Variants in TTN observed in about 807,000 individuals in gnomAD.
TTN encodes the protein connectin.
Under a neutral mutation model 3,223.0 loss-of-function variants are expected in TTN, and 1,525 were observed. The observed-to-expected ratio is 0.47, with a 90% confidence interval of 0.45 to 0.49. TTN has a LOEUF of 0.49. TTN is among the 20% of genes least tolerant of loss of function. The pLI is 0.00. For synonymous variants in TTN, 14,094 were observed against 15,161.0 expected (o/e 0.93, Z 5.17); for missense variants, 40,786 against 43,424.0 (o/e 0.94, Z 5.40).
rs748559391 is a variant in TTN, at chr2:178,730,313, T to A, written c.18087A>T (p.Val6029=). 5.0e-6 allele frequency: 8 copies of A among 1,611,606 alleles called. No homozygotes were observed. The highest frequency in any genetic ancestry group is 8.5e-7 in the Non-Finnish European group (1 of 1,178,742). The part of the protein sequence containing the change: ...QSQDVNPNTR[V]QLKALVGGTA... ...TGCCACCCACAAGAGCCTTTAACTG[T>A]ACCCTTGTGTTGGGATTGACATCTT... The change falls in exon 62 of 363, where the codon GTA becomes GTT. Residue 6029 remains valine, a synonymous_variant. Transcript: ENST00000589042.
chr2:178,672,672 A>G lies in TTN; in HGVS notation c.34818T>C (p.Pro11606=). The change falls in exon 153 of 363, where the codon CCT becomes CCC. Residue 11606 remains proline (P), a synonymous_variant. Transcript: ENST00000589042. ...VSKKIPEEKV[P]VPVQKKEAPP... ...GTGCCTCTTTTTTCTGAACAGGAAC[A>G]GGTACTTTTTCCTCAGGAATTTTCT... 6.2e-7 allele frequency: 1 copy of G among 1,609,570 alleles called. No individual in the cohort carries two copies. The highest frequency in any genetic ancestry group is 8.5e-7 in the Non-Finnish European group (1 of 1,177,496).
chr2:178,530,584 A>T lies in TTN; in HGVS notation c.106031T>A (p.Leu35344His). Residue 35344 changes from leucine (L) to histidine (H), a missense_variant, in exon 358 of 363, where the codon CTC becomes CAC. By Grantham distance (99) the Leu-to-His change is moderately conservative. Transcript: ENST00000589042. ...AGATTCAGTGAGGTTATTGATTTTG[A>T]GCTCATAGGTACCATCTGCTGAATA... The part of the protein sequence containing the change: ...FHYSADGTYE[L>H]KINNLTESDQ... The T allele has an allele frequency of 6.2e-7, 1 of 1,613,982 alleles. No homozygotes were observed. The highest frequency in any genetic ancestry group is 8.5e-7 in the Non-Finnish European group (1 of 1,179,892).
intron 242 of TTN, 70 bp downstream of exon 242, chr2:178,624,395 T>C: frequency 6.3e-7 from 1 of 1,591,986 alleles, no homozygotes; most frequent in East Asian, 2.2e-5. Context: ...GCAAAAAGTG[T>C]TGTGTTGTTT....
At chr2:178,527,375 G>A (rs1686902755) in intron 362 of TTN, 68 bp from the exon 363 acceptor site, 2 of 1,571,922 alleles carry the variant, frequency 1.3e-6, no homozygotes, top group East Asian at 2.2e-5. Context: ...GCTTTCTACT[G>A]AATTGTGTGT....
Position 178,595,566 on chromosome 2 carries a change from C to A in TTN, c.57788G>T (p.Ser19263Ile). 5.7e-6 allele frequency: 9 copies of A among 1,575,340 alleles called. No individual in the cohort carries two copies. Among genetic ancestry groups the A allele is most frequent in the Non-Finnish European group, 7.8e-6 (9 of 1,158,802 alleles). ...CTCAACAAATGGACCCATGCCAATACTATTTTCAGCCGCAATTCGGAAAAA... is the reference window on the plus strand; with the variant it reads ...CTCAACAAATGGACCCATGCCAATAATATTTTCAGCCGCAATTCGGAAAAA... Reference protein sequence around the residue: ...AYFFRIAAENSIGMGPFVETS... With the variant: ...AYFFRIAAENIIGMGPFVETS... The change falls in exon 295 of 363, where the codon AGT (serine) becomes ATT (isoleucine). Residue 19263 changes from serine to isoleucine, a missense_variant. Transcript: ENST00000589042.
Position 178,575,337 on chromosome 2 carries a change from C to T in TTN, c.70795G>A (p.Glu23599Lys), listed in dbSNP as rs772715686. ...GCCATCACTTGGAAGGTATATTCCTCTCCTTCAGTTAGATTCCTCACAACA... is the reference window on the plus strand; with the variant it reads ...GCCATCACTTGGAAGGTATATTCCTTTCCTTCAGTTAGATTCCTCACAACA... ...ECVVRNLTEG[E>K]EYTFQVMAVN... Residue 23599 changes from glutamate to lysine, a missense_variant, in exon 326 of 363, where the codon GAG becomes AAG. Physicochemically the swap from Glu to Lys is moderately conservative, Grantham distance 56. Transcript: ENST00000589042. The surrounding 1 kb of genome is among the most constrained non-coding windows in gnomAD (Gnocchi z 4.0). 10 of 1,613,536 alleles carry T rather than the reference C, an allele frequency of 6.2e-6. No individual in the cohort carries two copies. The highest frequency in any genetic ancestry group is 5.9e-6 in the Non-Finnish European group (7 of 1,179,656).
intron 147 of TTN, 99 bp from the exon 148 acceptor site, chr2:178,676,094 C>T (rs1014349840): frequency 1.8e-5 from 20 of 1,115,270 alleles, no homozygotes; most frequent in African/African-American, 1.7e-4. Flanking sequence ...TGTTAACAGT[C>T]GCTCAAGACA....
intron 69 of TTN, 116 bp from the exon 70 acceptor site, chr2:178,726,162 T>G: frequency 1.6e-6 from 2 of 1,219,890 alleles, no homozygotes; most frequent in Non-Finnish European, 2.2e-6. Context: ...GTAAGTAGAG[T>G]CCAGCACTAA....
rs1395931081 is a variant in TTN at position 178,594,587 on chromosome 2, A to T, written c.57907T>A (p.Leu19303Met). ...VKEVTKNTVTLTWNPPKYDGG... is the reference protein window; with the variant it reads ...VKEVTKNTVTMTWNPPKYDGG... ...TCATACTTAGGAGGATTCCAAGTCA[A>T]AGTTACAGTATTTTTAGTAACTTCT... is the stretch of plus-strand genomic sequence containing the variant. The change falls in exon 296 of 363, where the codon TTG becomes ATG. Residue 19303 changes from leucine to methionine, a missense_variant. Physicochemically the swap from Leu to Met is conservative, Grantham distance 15. Coordinates refer to ENST00000589042, the MANE Select transcript of TTN (RefSeq NM_001267550.2). 1 of 1,612,978 alleles carries T rather than the reference A, an allele frequency of 6.2e-7. No individual in the cohort carries two copies. Among genetic ancestry groups the T allele is most frequent in the South Asian group, 1.1e-5 (1 of 90,946 alleles).
At chr2:178,758,174 G>A (rs1379522975) in intron 44 of TTN, among the ~76,000 whole-genome samples, 2 of 152,068 alleles carry the variant, frequency 1.3e-5, no homozygotes, top group Admixed American at 1.3e-4. Context: ...GTACCCAACA[G>A]GGTTTTGGAT....
intron 169 of TTN, 44 bp from the exon 170 acceptor site, chr2:178,663,946 C>G (rs369787573): frequency 2.2e-5 from 35 of 1,610,094 alleles, no homozygotes; most frequent in Middle Eastern, 1.7e-4. Flanking sequence ...TTATGAAGAC[C>G]GCTAGAAAAA....
At chr2:178,629,966 G>C (rs922207500) in intron 239 of TTN, among the ~76,000 whole-genome samples, 3 of 151,986 alleles carry the variant, frequency 2.0e-5, no homozygotes, top group African/African-American at 7.2e-5. Flanking sequence ...GATTCTCATT[G>C]TATGTGTATC....
chr2:178,549,973 AT>A lies in TTN; in HGVS notation c.91852+12del. The A allele has an allele frequency of 1.3e-6, 2 of 1,593,614 alleles. No homozygotes were observed. The highest frequency in any genetic ancestry group is 1.3e-5 in the African/African-American group (1 of 74,284). Reference sequence around the variant, plus strand: ...TCATAAATTGTAGCATTAAGAAGCTATTTTAAAAGTACCTTGTACTTTCACT... The same window carrying A: ...TCATAAATTGTAGCATTAAGAAGCTATTTAAAAGTACCTTGTACTTTCACT... On this transcript the variant is annotated intron_variant, in intron 337 of 362. Coordinates refer to ENST00000589042, the MANE Select transcript of TTN (RefSeq NM_001267550.2).
chr2:178,783,117 C>G, intron 17 of TTN, 53 bp from the exon 18 acceptor site: 1 of 1,596,742 alleles, frequency 6.3e-7, no homozygotes, highest in South Asian at 1.1e-5. Context: ...TCATTAATCA[C>G]TTCTGTTTTG....
In TTN at chr2:178,721,089, G is replaced by A. The variant is rs1340940049; in HGVS notation, c.22930C>T (p.Arg7644Ter). 2.5e-6 allele frequency: 4 copies of A among 1,612,904 alleles called. No individual in the cohort carries two copies. Among genetic ancestry groups the A allele is most frequent in the African/African-American group, 1.3e-5 (1 of 74,874 alleles). ...CTTTCATGAAGTTCGCTGTCATTTCGGAACCATGAAACTTTGATTTCTGGG... is the reference window on the plus strand; with the variant it reads ...CTTTCATGAAGTTCGCTGTCATTTCAGAACCATGAAACTTTGATTTCTGGG... ...GSPEIKVSWFRNDSELHESWK... is the reference protein window; with the variant it reads ...GSPEIKVSWF Residue 7644 changes from arginine (R) to a stop codon, truncating the protein, a stop_gained, in exon 79 of 363, where the codon CGA (arginine) becomes TGA (stop). Coordinates refer to ENST00000589042, the MANE Select transcript of TTN (RefSeq NM_001267550.2). LOFTEE classifies it high-confidence loss of function.
chr2:178,587,186 G>A lies in TTN; in HGVS notation c.64025C>T (p.Ala21342Val). Residue 21342 changes from alanine to valine, a missense_variant, in exon 307 of 363, where the codon GCT becomes GTT. Physicochemically the swap from Ala to Val is moderately conservative, Grantham distance 64. Transcript: ENST00000589042. ...PGNEYYFRVT[A>V]VNEYGPGVPT... Reference sequence around the variant, plus strand: ...GACGCCAGGGCCATATTCGTTGACAGCAGTTACTCTGAAGTAATACTCATT... The same window carrying A: ...GACGCCAGGGCCATATTCGTTGACAACAGTTACTCTGAAGTAATACTCATT... 6.2e-7 allele frequency: 1 copy of A among 1,613,310 alleles called. No homozygotes were observed. The highest frequency in any genetic ancestry group is 1.7e-5 in the Admixed American group (1 of 59,970).
At position 178,578,834 on chromosome 2, in the gene TTN, C is replaced by T. The variant is rs397517674; in HGVS notation, c.68196G>A (p.Ser22732=). Residue 22732 remains serine, a synonymous_variant, in exon 320 of 363, where the codon TCG becomes TCA. Coordinates refer to ENST00000589042, the MANE Select transcript of TTN (RefSeq NM_001267550.2). The stretch of plus-strand genomic sequence containing the variant: ...ATGGATGTCTCGCAACAATTGGCTC[C>T]GATTTCAGGCCTTCCCCTACACCAT... ...NKYGVGEGLK[S]EPIVARHPFD... 1.7e-5 allele frequency: 28 copies of T among 1,611,084 alleles called. No individual in the cohort carries two copies. The highest frequency in any genetic ancestry group is 2.1e-5 in the Non-Finnish European group (25 of 1,178,280).
In TTN at chr2:178,607,689, T is replaced by C. The variant is rs2055229501; in HGVS notation, c.53003-4A>G. The C allele has an allele frequency of 6.2e-7, 1 of 1,612,716 alleles. No homozygotes were observed. Among genetic ancestry groups the C allele is most frequent in the Non-Finnish European group, 8.5e-7 (1 of 1,179,332 alleles). On this transcript the variant is annotated splice_polypyrimidine_tract_variant and splice_region_variant and intron_variant, in intron 276 of 362. Coordinates refer to ENST00000589042, the MANE Select transcript of TTN (RefSeq NM_001267550.2). ...TCCAGTTCCACAGCTGGAGGCTCTG[T>C]TGAAAGAGAACAGTCATGCATTAGC... is the stretch of plus-strand genomic sequence containing the variant.
intron 112 of TTN, among the ~76,000 whole-genome samples, 183 bp downstream of exon 112, chr2:178,698,660 A>T (rs894431113): frequency 6.6e-6 from 1 of 152,100 alleles, no homozygotes; most frequent in Non-Finnish European, 1.5e-5. Context: ...GAAAGAGAAA[A>T]GGGGGAAAAA....
Sources: allele counts gnomAD v4.1 joint callset (sites outside exome capture counted in the v4.1 genomes callset), GRCh38; gene constraint gnomAD v4.1.1; non-coding constraint Gnocchi (gnomAD v3.1); transcripts MANE v1.5; gene names NCBI Gene and HGNC (gene_info 2026-07-23, HGNC 2026-07-21).